ATP9B: variants seen among roughly 807,000 people sequenced by gnomAD.
ATP9B encodes the protein probable phospholipid-transporting ATPase IIB.
In ATP9B, 110 loss-of-function variants were observed where a neutral mutation model predicts 146.1. That is an observed-to-expected ratio of 0.75 (90% CI 0.65 to 0.88). The LOEUF (loss-of-function observed/expected upper bound fraction) is 0.88. Ranked by LOEUF, ATP9B falls within the 40% of genes least tolerant of loss-of-function variation. The pLI is 0.00. For synonymous variants in ATP9B, 604 were observed against 569.7 expected (o/e 1.06, Z -0.86); for missense variants, 1,499 against 1,496.4 (o/e 1.00, Z -0.03).
chr18:79,194,239 GAATA>G (rs1311341282), intron 9 of ATP9B: 17 of 152,076 alleles, frequency 1.1e-4, no homozygotes, highest in Non-Finnish European at 2.5e-4. Flanking sequence ...CAACATATGA[GAATA>G]AATGTTACAA....
chr18:79,132,276 C>T (rs1238081044), intron 5 of ATP9B, among the ~76,000 whole-genome samples: 1 of 152,138 alleles, frequency 6.6e-6, no homozygotes, highest in Non-Finnish European at 1.5e-5. Context: ...GCCATCATTG[C>T]TGGTCATCTA....
rs150296639 is a variant in ATP9B, at chr18:79,218,642, G to A, written c.1107+4604G>A. Among the ~76,000 whole-genome samples the A allele has an allele frequency of 5.3e-3, 804 of 152,208 alleles. 8 individuals are homozygous for A. Among genetic ancestry groups the A allele is most frequent in the African/African-American group, 0.019 (774 of 41,518 alleles). On this transcript the variant is annotated intron_variant, in intron 11 of 29. Transcript: ENST00000426216. ...TCCTGCTTCTTGTCATATTTTCTTCGTATTCTGGGTCCAGCGCAGGCTGAC... is the reference window on the plus strand; with the variant it reads ...TCCTGCTTCTTGTCATATTTTCTTCATATTCTGGGTCCAGCGCAGGCTGAC...
chr18:79,242,785 A>G (rs2095902168), intron 11 of ATP9B, among the ~76,000 whole-genome samples: 1 of 152,242 alleles, frequency 6.6e-6, no homozygotes, highest in South Asian at 2.1e-4. Flanking sequence ...AATGGCTCAT[A>G]AAGTGTCTCT....
At chr18:79,134,160 C>T (rs538809597) in intron 5 of ATP9B, among the ~76,000 whole-genome samples, 292 of 152,260 alleles carry the variant, frequency 1.9e-3, no homozygotes, top group Non-Finnish European at 2.7e-3. Context: ...TCCTTTAGTT[C>T]TTTGGATAGG....
chr18:79,329,285 A>G lies in ATP9B; in HGVS notation c.1918A>G (p.Met640Val). ...TCCCTTCACCTCCGAGAGCAAGCGG[A>G]TGGGCGTCATCGTCAGGGTGAGGCT... The part of the protein sequence containing the change: ...LFPFTSESKR[M>V]GVIVRDESTA... Residue 640 changes from methionine (M) to valine (V), a missense_variant, in exon 16 of 30, where the codon ATG (methionine) becomes GTG (valine). By Grantham distance (21) the Met-to-Val change is conservative. Transcript: ENST00000426216. 1 of 1,608,542 alleles carries G rather than the reference A, an allele frequency of 6.2e-7. No individual in the cohort carries two copies. The highest frequency in any genetic ancestry group is 1.1e-5 in the South Asian group (1 of 90,060).
At chr18:79,267,004 A>G (rs1379465490) in intron 12 of ATP9B, among the ~76,000 whole-genome samples, 1 of 151,960 alleles carries the variant, frequency 6.6e-6, no homozygotes, top group African/African-American at 2.4e-5. Flanking sequence ...AAAATAATTT[A>G]TCTAAAATTG....
chr18:79,296,392 GT>G (rs369419727), intron 13 of ATP9B, among the ~76,000 whole-genome samples: 1 of 152,188 alleles, frequency 6.6e-6, no homozygotes, highest in Non-Finnish European at 1.5e-5. Flanking sequence ...AAATTGTGTG[GT>G]TTTTTCCTAA....
intron 9 of ATP9B, among the ~76,000 whole-genome samples, chr18:79,196,703 T>TGCA (rs1315052185): frequency 6.6e-6 from 1 of 152,230 alleles, no homozygotes; most frequent in African/African-American, 2.4e-5. Flanking sequence ...AGATGCATAG[T>TGCA]ATGCAGGCTC....
At chr18:79,146,357 C>G (rs5027143) in intron 6 of ATP9B, 16,405 of 61,186 alleles carry the variant, frequency 0.27, 2,327 homozygotes, top group East Asian at 0.5. Context: ...TGAAGGTGCA[C>G]GCTGCATGTC....
At chr18:79,095,080 A>G (rs1177037983) in intron 1 of ATP9B, among the ~76,000 whole-genome samples, 5 of 152,160 alleles carry the variant, frequency 3.3e-5, no homozygotes, top group Non-Finnish European at 7.4e-5. Flanking sequence ...ATACTGACCT[A>G]TCTCTAAATT....
chr18:79,244,600 AG>A (rs1179412344), intron 11 of ATP9B, among the ~76,000 whole-genome samples: 2 of 152,188 alleles, frequency 1.3e-5, no homozygotes, highest in African/African-American at 4.8e-5. Context: ...GTACTACACA[AG>A]ATTTTTTGTT....
At chr18:79,120,748 CTG>C (rs1404320984) in intron 4 of ATP9B, among the ~76,000 whole-genome samples, 51 of 152,196 alleles carry the variant, frequency 3.4e-4, no homozygotes, top group African/African-American at 1.2e-3. Context: ...GTTTTTAACA[CTG>C]TATCTTCTAT....
At chr18:79,345,991 A>G (rs113133629) in intron 23 of ATP9B, 152 bp downstream of exon 23, 12,578 of 860,368 alleles carry the variant, frequency 0.015, 210 homozygotes, top group Middle Eastern at 0.04. Context: ...CACTCAGCAC[A>G]TGCTTGGTCA....
At chr18:79,114,258 C>T (rs534888688) in intron 4 of ATP9B, among the ~76,000 whole-genome samples, 3 of 152,324 alleles carry the variant, frequency 2.0e-5, no homozygotes, top group Admixed American at 2.0e-4. Context: ...CTGCGCCTGG[C>T]CACTACTTCC....
At position 79,193,232 on chromosome 18, in the gene ATP9B, A is replaced by G. The variant is rs376061646; in HGVS notation, c.923A>G (p.Asp308Gly). The G allele has an allele frequency of 1.2e-5, 20 of 1,611,936 alleles. No homozygotes were observed. Among genetic ancestry groups the G allele is most frequent in the Non-Finnish European group, 1.7e-5 (20 of 1,178,258 alleles). ...GTTTATGCTCAGAAACCACAAATGG[A>G]CATTCACAGTTTCGAAGGCACATTT... The part of the protein sequence containing the change: ...AYVYAQKPQM[D>G]IHSFEGTFTR... The change falls in exon 9 of 30, where the codon GAC becomes GGC. Residue 308 changes from aspartate (D) to glycine (G), a missense_variant. Coordinates refer to ENST00000426216, the MANE Select transcript of ATP9B (RefSeq NM_198531.5).
intron 10 of ATP9B, among the ~76,000 whole-genome samples, chr18:79,212,949 A>G (rs2095597356): frequency 6.6e-6 from 1 of 152,118 alleles, no homozygotes; most frequent in South Asian, 2.1e-4. Context: ...CCACCTTCCT[A>G]GATTTTCTAG....
At chr18:79,356,650 C>G (rs892487981) in intron 25 of ATP9B, among the ~76,000 whole-genome samples, 5 of 152,226 alleles carry the variant, frequency 3.3e-5, no homozygotes, top group Non-Finnish European at 7.3e-5. Flanking sequence ...CTGTACAGTT[C>G]CATTTGCATA....
chr18:79,202,918 A>G (rs570217729), intron 9 of ATP9B, among the ~76,000 whole-genome samples: 2 of 152,350 alleles, frequency 1.3e-5, no homozygotes, highest in South Asian at 4.1e-4. Context: ...AAACCCTTCT[A>G]AAATTTTTAT....
chr18:79,167,888 A>G (rs1442869635), intron 7 of ATP9B, among the ~76,000 whole-genome samples: 2 of 138,422 alleles, frequency 1.4e-5, no homozygotes, highest in East Asian at 2.2e-4. Flanking sequence ...CATGCCATGT[A>G]TGGTTCCCAG....
Sources: allele counts gnomAD v4.1 joint callset (sites outside exome capture counted in the v4.1 genomes callset), GRCh38; gene constraint gnomAD v4.1.1; transcripts MANE v1.5; gene names NCBI Gene and HGNC (gene_info 2026-07-23, HGNC 2026-07-21).